The following RGS21 variants were observed in gnomAD, a reference collection of about 807,000 sequenced individuals.
RGS21 encodes the protein regulator of G-protein signalling 21.
In RGS21, 19 loss-of-function variants were observed where a neutral mutation model predicts 18.7. That is an observed-to-expected ratio of 1.01 (90% CI 0.71 to 1.49). The LOEUF is 1.49. RGS21 is among the 40% of genes most tolerant of loss of function. The pLI, the probability that RGS21 is intolerant of heterozygous loss-of-function variation, is 0.00. For synonymous variants in RGS21, 56 were observed against 57.8 expected (o/e 0.97, Z 0.14); for missense variants, 194 against 176.8 (o/e 1.10, Z -0.55).
In RGS21 at chr1:192,365,903, CA is replaced by C; in HGVS notation, c.256-16del. ...TTGATTAAACTAATTCAATGATATGCAACCTTATTTTCCACAGATTAACATT... is the reference window on the plus strand; with the variant it reads ...TTGATTAAACTAATTCAATGATATGCACCTTATTTTCCACAGATTAACATT... On this transcript the variant is annotated splice_polypyrimidine_tract_variant and intron_variant, in intron 4 of 4. Transcript: ENST00000417209. 7.0e-7 allele frequency: 1 copy of C among 1,430,456 alleles called. No individual in the cohort carries two copies. 88.6% of individuals were successfully genotyped at this position (1,430,456 alleles called of 1,614,324 possible).
chr1:192,354,119 G>A (rs952974853), intron 4 of RGS21, among the ~76,000 whole-genome samples: 5 of 151,546 alleles, frequency 3.3e-5, no homozygotes, highest in African/African-American at 9.7e-5. Context: ...TCAGTTATGT[G>A]TTATAGTTAT....
intron 1 of RGS21, among the ~76,000 whole-genome samples, chr1:192,328,802 C>T (rs1054073106): frequency 2.7e-4 from 41 of 152,022 alleles, no homozygotes; most frequent in African/African-American, 9.4e-4. Context: ...AGAAATAACC[C>T]TTAAGTTTAA....
chr1:192,344,822 C>T (rs1309715923), intron 2 of RGS21, among the ~76,000 whole-genome samples: 2 of 151,994 alleles, frequency 1.3e-5, no homozygotes, highest in African/African-American at 4.8e-5. Context: ...TGCTACACAC[C>T]AGCAGAGGTA....
intron 1 of RGS21, among the ~76,000 whole-genome samples, chr1:192,328,862 T>C (rs1215194110): frequency 1.1e-4 from 16 of 152,124 alleles, no homozygotes; most frequent in Admixed American, 9.8e-4. Context: ...TGATAGCTGT[T>C]ATGTACAAGA....
rs1571467078 is a variant in RGS21 at position 192,366,959 on chromosome 1, T to C, written c.*835T>C. The C allele has an allele frequency of 1.3e-5, 2 of 152,086 alleles. No individual in the cohort carries two copies. The highest frequency in any genetic ancestry group is 1.3e-4 in the Admixed American group (2 of 15,246). 9.4% of individuals were successfully genotyped at this position (152,086 alleles called of 1,614,324 possible). On this transcript the variant is annotated 3_prime_UTR_variant, in exon 5 of 5. Transcript: ENST00000417209. ...TTCACTCCTTCAGCACTGATACTTG[T>C]TTATAAAACCCAAACAATTTTTAAA...
In RGS21 at chr1:192,319,007, A is replaced by G. The variant is rs531001393; in HGVS notation, c.-61+1902A>G. On this transcript the variant is annotated intron_variant, in intron 1 of 4. Coordinates refer to ENST00000417209, the MANE Select transcript of RGS21 (RefSeq NM_001039152.3). ...CACTTGGGGAGGCCAGAATGGGAGG[A>G]TTGCTTGAGGCTAGAAATTCAAGAC... 1.5e-3 allele frequency among the ~76,000 whole-genome samples: 230 copies of G among 152,180 alleles called. 2 individuals are homozygous for G. The highest frequency in any genetic ancestry group is 6.8e-3 in the Middle Eastern group (2 of 294).
At position 192,347,902 on chromosome 1, in the gene RGS21, C is replaced by A. The variant is rs902392482; in HGVS notation, c.88+513C>A. The stretch of plus-strand genomic sequence containing the variant: ...ATCAAACTCCTGACCTCAGGTGATC[C>A]ACCCACCTCAGCATCCCAAAGTGCT... On this transcript the variant is annotated intron_variant, in intron 3 of 4. Transcript: ENST00000417209. Among the ~76,000 whole-genome samples the A allele has an allele frequency of 3.0e-4, 45 of 151,978 alleles. 1 individual carries two copies. Among genetic ancestry groups the A allele is most frequent in the African/African-American group, 9.9e-4 (41 of 41,450 alleles).
rs1422362719 is a variant in RGS21, at chr1:192,322,766, AAACT to A, written c.-61+5664_-61+5667del. Among the ~76,000 whole-genome samples, 10 of 152,218 alleles carry A rather than the reference AAACT, an allele frequency of 6.6e-5. No individual in the cohort carries two copies. The East Asian group carries it at 9.7e-4, about 15-fold the overall frequency. On this transcript the variant is annotated intron_variant, in intron 1 of 4. Transcript: ENST00000417209. ...CTAAAAGGGTGTCTTAAACTGTCTTAAACTAAGATTCTAATAACTGCAAAAAGTT... is the reference window on the plus strand; with the variant it reads ...CTAAAAGGGTGTCTTAAACTGTCTTAAAGATTCTAATAACTGCAAAAAGTT...
intron 4 of RGS21, among the ~76,000 whole-genome samples, chr1:192,361,405 G>A (rs1659185934): frequency 6.6e-6 from 1 of 152,016 alleles, no homozygotes; most frequent in Non-Finnish European, 1.5e-5. Context: ...AGAGAAGATA[G>A]TAAATTAAAG....
chr1:192,319,402 C>T (rs1469771197), intron 1 of RGS21, among the ~76,000 whole-genome samples: 1 of 151,916 alleles, frequency 6.6e-6, no homozygotes, highest in Non-Finnish European at 1.5e-5. Flanking sequence ...TCTTCTGCTG[C>T]TATAGGTTAT....
intron 2 of RGS21, 141 bp downstream of exon 2, chr1:192,343,188 C>A (rs758307812): frequency 1.8e-5 from 15 of 835,192 alleles, no homozygotes; most frequent in Non-Finnish European, 2.8e-5. Flanking sequence ...TCTCCTTTCT[C>A]TACTGATTTC....
At chr1:192,333,726 T>A (rs1658698868) in intron 1 of RGS21, among the ~76,000 whole-genome samples, 1 of 150,322 alleles carries the variant, frequency 6.7e-6, no homozygotes, top group Non-Finnish European at 1.5e-5. Context: ...ATAAGGGAGA[T>A]CTTTGATGTA....
intron 1 of RGS21, among the ~76,000 whole-genome samples, chr1:192,321,868 CTT>C (rs1658502787): frequency 6.6e-6 from 1 of 151,836 alleles, no homozygotes; most frequent in Non-Finnish European, 1.5e-5. Flanking sequence ...GAATTGAAAA[CTT>C]TGACTAAAAA....
chr1:192,331,880 T>C (rs1658663153), intron 1 of RGS21, among the ~76,000 whole-genome samples: 1 of 152,026 alleles, frequency 6.6e-6, no homozygotes, highest in African/African-American at 2.4e-5. Context: ...ATTAAATGAA[T>C]GAACATTGCA....
chr1:192,359,653 G>GTATATATATATATA (rs1202366412), intron 4 of RGS21, among the ~76,000 whole-genome samples: 1,272 of 104,152 alleles, frequency 0.012, 15 homozygotes, highest in South Asian at 0.024. Context: ...ATGTGTGTGT[G>GTATATATATATATA]TGTATATATA....
At chr1:192,360,507 A>G (rs1002037813) in intron 4 of RGS21, among the ~76,000 whole-genome samples, 1 of 152,040 alleles carries the variant, frequency 6.6e-6, no homozygotes, top group Non-Finnish European at 1.5e-5. Flanking sequence ...AACCTAATTC[A>G]CCATCAATTG....
chr1:192,338,675 G>A lies in RGS21; in HGVS notation c.-60-4302G>A, dbSNP rs529577745. On this transcript the variant is annotated intron_variant, in intron 1 of 4. Transcript: ENST00000417209. ...AAAGTCTGTGAACAGTGTTTTTAAA[G>A]GAAATTCCATGCCACACTGTAGCCT... Among the ~76,000 whole-genome samples the A allele has an allele frequency of 3.3e-5, 5 of 152,016 alleles. No homozygotes were observed. The South Asian group carries it at 1.0e-3, about 32-fold the overall frequency.
chr1:192,327,812 A>G (rs979615543), intron 1 of RGS21, among the ~76,000 whole-genome samples: 17 of 152,182 alleles, frequency 1.1e-4, no homozygotes, highest in Non-Finnish European at 1.9e-4. Flanking sequence ...TCTGGAAAGC[A>G]AAGTTCTATT....
rs149748585 is a variant in RGS21 at position 192,341,188 on chromosome 1, C to T, written c.-60-1789C>T. 2.7e-4 allele frequency among the ~76,000 whole-genome samples: 41 copies of T among 152,146 alleles called. No homozygotes were observed. In the East Asian group the frequency reaches 3.7e-3, roughly 14 times the overall value. ...CATCCTGAAATATCCTACTACTAGACGTTAACCCTCCTTTCTCCCCTCTTA... is the reference window on the plus strand; with the variant it reads ...CATCCTGAAATATCCTACTACTAGATGTTAACCCTCCTTTCTCCCCTCTTA... On this transcript the variant is annotated intron_variant, in intron 1 of 4. Transcript: ENST00000417209.
Sources: gnomAD v4.1 joint callset for allele counts (sites outside exome capture counted in the v4.1 genomes callset) on GRCh38, gnomAD v4.1.1 for gene constraint, MANE v1.5 for transcripts, NCBI Gene and HGNC (gene_info 2026-07-23, HGNC 2026-07-21) for gene names.